BCAS3: variants seen among roughly 807,000 people sequenced by gnomAD.
BCAS3 encodes the protein BCAS4/BCAS3 fusion.
In BCAS3, 53 loss-of-function variants were observed where a neutral mutation model predicts 116.1. The observed-to-expected ratio is 0.46, with a 90% confidence interval of 0.37 to 0.57. The LOEUF is 0.57. Among genes scored for constraint, BCAS3 ranks in the 20% least tolerant of loss-of-function variants. BCAS3 has a pLI of 0.00. For missense variants in BCAS3, 917 were observed against 1,165.4 expected, an observed-to-expected ratio of 0.79 and a Z score of 3.10; for synonymous variants, 391 against 408.2, an observed-to-expected ratio of 0.96 and a Z score of 0.51.
chr17:60,789,467 A>G (rs1345297386), intron 6 of BCAS3, among the ~76,000 whole-genome samples: 1 of 152,184 alleles, frequency 6.6e-6, no homozygotes, highest in Non-Finnish European at 1.5e-5. Context: ...TGTGCGATTT[A>G]TTAGGATTTT....
At chr17:61,191,780 A>AAAAAG (rs59158121) in intron 22 of BCAS3, among the ~76,000 whole-genome samples, 88,557 of 145,586 alleles carry the variant, frequency 0.61, 30,313 homozygotes, top group South Asian at 0.83. Context: ...GTCTCAAAAA[A>AAAAAG]AAAAGAAAAG....
chr17:60,705,482 C>T (rs8074942), intron 4 of BCAS3, among the ~76,000 whole-genome samples: 10,318 of 148,820 alleles, frequency 0.069, 1,194 homozygotes, highest in African/African-American at 0.24. Flanking sequence ...CCACTGTATT[C>T]CAGCTTGGGT....
chr17:61,244,468 T>A lies in BCAS3; in HGVS notation c.2426-123859T>A, dbSNP rs2047771297. Among the ~76,000 whole-genome samples, 1 of 152,186 alleles carries A rather than the reference T, an allele frequency of 6.6e-6. No individual in the cohort carries two copies. The highest frequency in any genetic ancestry group is 1.5e-5 in the Non-Finnish European group (1 of 68,040). On this transcript the variant is annotated intron_variant, in intron 22 of 23. Coordinates refer to ENST00000407086, the MANE Select transcript of BCAS3 (RefSeq NM_017679.5). This position sits in a 1 kb window ranked among gnomAD's most constrained non-coding sequence, Gnocchi z 4.9. ...GTGACTAGAAGTCAACAAAAATATG[T>A]GTTACAAAAGAATAACAATAGGTAA...
At position 61,104,832 on chromosome 17, in the gene BCAS3, G is replaced by A. The variant is rs2074542507; in HGVS notation, c.2425+20268G>A. On this transcript the variant is annotated intron_variant, in intron 22 of 23. Coordinates refer to ENST00000407086, the MANE Select transcript of BCAS3 (RefSeq NM_017679.5). The surrounding 1 kb of genome is among the most constrained non-coding windows in gnomAD (Gnocchi z 4.1). ...TGGAGCAGAACATTCTTAAAAGTAA[G>A]CCCAGTAAACCTAAGCGTTGGATGG... Among the ~76,000 whole-genome samples, 1 of 152,190 alleles carries A rather than the reference G, an allele frequency of 6.6e-6. No homozygotes were observed. The highest frequency in any genetic ancestry group is 1.5e-5 in the Non-Finnish European group (1 of 68,028).
At chr17:61,089,808 AG>A in intron 22 of BCAS3, among the ~76,000 whole-genome samples, 1 of 152,000 alleles carries the variant, frequency 6.6e-6, no homozygotes, top group East Asian at 1.9e-4. Flanking sequence ...CTGGGATTAC[AG>A]GCATGAACCA....
intron 22 of BCAS3, among the ~76,000 whole-genome samples, chr17:61,290,019 A>C (rs1484058754): frequency 6.6e-6 from 1 of 152,170 alleles, no homozygotes; most frequent in Non-Finnish European, 1.5e-5. Flanking sequence ...GGGACACTAA[A>C]TTTTTCAGAA....
chr17:60,880,572 GC>G (rs1272517083), intron 9 of BCAS3, among the ~76,000 whole-genome samples: 1 of 152,206 alleles, frequency 6.6e-6, no homozygotes, highest in Non-Finnish European at 1.5e-5. Flanking sequence ...ACAGGCGTGA[GC>G]CACCGCGCCT....
chr17:60,772,482 A>T (rs573010148), intron 6 of BCAS3, among the ~76,000 whole-genome samples: 2 of 152,140 alleles, frequency 1.3e-5, no homozygotes, highest in Non-Finnish European at 2.9e-5. Flanking sequence ...GTAGATTGCA[A>T]ATATTTTCTC....
At chr17:61,092,201 A>G (rs1277870760) in intron 22 of BCAS3, among the ~76,000 whole-genome samples, 3 of 152,198 alleles carry the variant, frequency 2.0e-5, no homozygotes, top group African/African-American at 7.2e-5. Context: ...TTCATTTTTA[A>G]TATTGCAGTG....
intron 7 of BCAS3, among the ~76,000 whole-genome samples, chr17:60,848,021 C>A (rs937602516): frequency 3.3e-5 from 5 of 152,132 alleles, no homozygotes; most frequent in African/African-American, 1.2e-4. Flanking sequence ...CATTCTTTTG[C>A]AGAGAAATAT....
Position 61,097,685 on chromosome 17 carries a change from C to T in BCAS3, c.2425+13121C>T, listed in dbSNP as rs750423738. On this transcript the variant is annotated intron_variant, in intron 22 of 23. Coordinates refer to ENST00000407086, the MANE Select transcript of BCAS3 (RefSeq NM_017679.5). This position sits in a 1 kb window ranked among gnomAD's most constrained non-coding sequence, Gnocchi z 4.0. ...TATTAATTTATAAACAGTTAGGTGCCCAACACTGTGCTAGGTCTTGCCACA... is the reference window on the plus strand; with the variant it reads ...TATTAATTTATAAACAGTTAGGTGCTCAACACTGTGCTAGGTCTTGCCACA... Among the ~76,000 whole-genome samples the T allele has an allele frequency of 9.2e-5, 14 of 152,184 alleles. No homozygotes were observed. The highest frequency in any genetic ancestry group is 3.4e-3 in the Middle Eastern group (1 of 294).
Position 61,326,412 on chromosome 17 carries a change from T to G in BCAS3, c.2426-41915T>G, listed in dbSNP as rs941575499. Among the ~76,000 whole-genome samples the G allele has an allele frequency of 6.6e-6, 1 of 152,132 alleles. No individual in the cohort carries two copies. Among genetic ancestry groups the G allele is most frequent in the South Asian group, 2.1e-4 (1 of 4,810 alleles). On this transcript the variant is annotated intron_variant, in intron 22 of 23. Transcript: ENST00000407086. This position sits in a 1 kb window ranked among gnomAD's most constrained non-coding sequence, Gnocchi z 5.3. Reference sequence around the variant, plus strand: ...TCTTGCTGCTCATGTGGACTTTAGTTTTATCCTAAATGAGAAGCATGTTTT... The same window carrying G: ...TCTTGCTGCTCATGTGGACTTTAGTGTTATCCTAAATGAGAAGCATGTTTT...
Position 61,077,496 on chromosome 17 carries a change from A to G in BCAS3, c.2131-837A>G, listed in dbSNP as rs564755118. Among the ~76,000 whole-genome samples the G allele has an allele frequency of 1.3e-5, 2 of 152,134 alleles. No individual in the cohort carries two copies. Among genetic ancestry groups the G allele is most frequent in the East Asian group, 3.9e-4 (2 of 5,184 alleles). On this transcript the variant is annotated intron_variant, in intron 20 of 23. Coordinates refer to ENST00000407086, the MANE Select transcript of BCAS3 (RefSeq NM_017679.5). This position sits in a 1 kb window ranked among gnomAD's most constrained non-coding sequence, Gnocchi z 4.3. ...CACGCCACTGCACTCCAGTCTGGGCAACAGAGCGAGACTCCGTCTCAAAAA... is the reference window on the plus strand; with the variant it reads ...CACGCCACTGCACTCCAGTCTGGGCGACAGAGCGAGACTCCGTCTCAAAAA...
In BCAS3 at chr17:61,084,700, C is replaced by T. The variant is rs944828137; in HGVS notation, c.2425+136C>T. 5.5e-6 allele frequency: 4 copies of T among 725,958 alleles called. No homozygotes were observed. The highest frequency in any genetic ancestry group is 2.4e-5 in the Admixed American group (1 of 42,262). The allele number at this position is 725,958 out of a possible 1,614,324, so 45.0% of individuals were successfully genotyped here. A position where few individuals can be genotyped will look rare whatever the true frequency, so the allele number is the denominator to read the frequency against. On this transcript the variant is annotated intron_variant, in intron 22 of 23. Transcript: ENST00000407086. The surrounding 1 kb of genome is among the most constrained non-coding windows in gnomAD (Gnocchi z 5.5). ...TTTGTGGTGTGTGTGCATTTTAATA[C>T]AGTACTGTGCCTATATTTCTTGCTG...
intron 19 of BCAS3, among the ~76,000 whole-genome samples, chr17:61,057,207 G>A (rs1046097901): frequency 1.3e-5 from 2 of 152,176 alleles, no homozygotes; most frequent in Non-Finnish European, 2.9e-5. Flanking sequence ...GTTAAAAGGT[G>A]TGTTCTACCC....
chr17:60,745,583 C>G (rs901286619), intron 5 of BCAS3, among the ~76,000 whole-genome samples: 9 of 151,898 alleles, frequency 5.9e-5, no homozygotes, highest in Non-Finnish European at 1.2e-4. Flanking sequence ...AAATTTTGTT[C>G]TATAATAATA....
At chr17:60,826,235 G>A (rs1006543270) in intron 7 of BCAS3, among the ~76,000 whole-genome samples, 7 of 152,012 alleles carry the variant, frequency 4.6e-5, no homozygotes, top group Admixed American at 1.3e-4. Context: ...CCAGGCTGGA[G>A]CGCAGCGGTG....
Position 61,198,153 on chromosome 17 carries a change from T to A in BCAS3, c.2425+113589T>A, listed in dbSNP as rs1168751650. Among the ~76,000 whole-genome samples the A allele has an allele frequency of 6.6e-6, 1 of 151,666 alleles. No homozygotes were observed. The highest frequency in any genetic ancestry group is 1.9e-4 in the East Asian group (1 of 5,196). The stretch of plus-strand genomic sequence containing the variant: ...ATATGTTTTTTTTTTTTCTTTTTTT[T>A]TTTTTGAGACGGAGTCTCACTCTGT... On this transcript the variant is annotated intron_variant, in intron 22 of 23. Transcript: ENST00000407086. The surrounding 1 kb of genome is among the most constrained non-coding windows in gnomAD (Gnocchi z 5.0).
In BCAS3 at chr17:60,802,371, C is replaced by CATATATATATAT. The variant is rs533515914; in HGVS notation, c.404-5626_404-5615dup. Among the ~76,000 whole-genome samples, 223 of 111,936 alleles carry CATATATATATAT rather than the reference C, an allele frequency of 2.0e-3. 2 individuals carry two copies. Among genetic ancestry groups the CATATATATATAT allele is most frequent in the African/African-American group, 6.5e-3 (172 of 26,614 alleles). The allele number at this position is 111,936 out of a possible 152,430, so 73.4% of individuals were successfully genotyped here. A position where few individuals can be genotyped will look rare whatever the true frequency, so the allele number is the denominator to read the frequency against. ...ATACACACACATACATACATACATA[C>CATATATATATAT]ATATATATATATATATATCCCCTTG... On this transcript the variant is annotated intron_variant, in intron 6 of 23. Transcript: ENST00000407086.
Sources: gnomAD v4.1 joint callset for allele counts (sites outside exome capture counted in the v4.1 genomes callset) on GRCh38, gnomAD v4.1.1 for gene constraint, Gnocchi (gnomAD v3.1) non-coding constraint, MANE v1.5 for transcripts, NCBI Gene and HGNC (gene_info 2026-07-23, HGNC 2026-07-21) for gene names.